Variants in PDE4D observed in about 807,000 individuals in gnomAD.
PDE4D encodes the protein phosphodiesterase 4D, also known as 3',5'-cyclic-AMP phosphodiesterase 4D.
Under a neutral mutation model 87.4 loss-of-function variants are expected in PDE4D, and 24 were observed. The ratio of observed to expected loss-of-function variants is 0.27; its 90% CI spans 0.20 to 0.39. The LOEUF (loss-of-function observed/expected upper bound fraction) is 0.39. PDE4D is among the 10% of genes least tolerant of loss of function. The pLI is 1.00. For synonymous variants in PDE4D, 384 were observed against 383.2 expected (o/e 1.00, Z -0.02); for missense variants, 714 against 1,041.0 (o/e 0.69, Z 4.32).
At chr5:60,176,761 G>A (rs1233047767) in intron 2 of PDE4D, among the ~76,000 whole-genome samples, 3 of 152,140 alleles carry the variant, frequency 2.0e-5, no homozygotes, top group Non-Finnish European at 4.4e-5. Context: ...ACTGGTTAAG[G>A]TCTGTGTCTG....
intron 1 of PDE4D, among the ~76,000 whole-genome samples, chr5:59,645,317 G>A (rs151262342): frequency 2.0e-5 from 3 of 152,266 alleles, no homozygotes; most frequent in Non-Finnish European, 4.4e-5. Flanking sequence ...GGCTCGAGGG[G>A]TGGGATGGCA....
chr5:59,728,004 T>G (rs1561549129), intron 1 of PDE4D, among the ~76,000 whole-genome samples: 1 of 152,152 alleles, frequency 6.6e-6, no homozygotes, highest in South Asian at 2.1e-4. Context: ...TTACTTTCTC[T>G]TCACACACGT....
intron 1 of PDE4D, among the ~76,000 whole-genome samples, chr5:59,344,720 C>A (rs1233669062): frequency 6.6e-6 from 1 of 152,070 alleles, no homozygotes; most frequent in Non-Finnish European, 1.5e-5. Context: ...TCAAATTTCA[C>A]GATGTGAAGT....
chr5:60,176,927 T>C (rs1783958869), intron 2 of PDE4D, among the ~76,000 whole-genome samples: 1 of 152,116 alleles, frequency 6.6e-6, no homozygotes, highest in Admixed American at 6.6e-5. Context: ...CTGGAAACCA[T>C]GTAGGATATA....
At chr5:60,363,572 C>T (rs1458058406) in intron 1 of PDE4D, among the ~76,000 whole-genome samples, 1 of 152,160 alleles carries the variant, frequency 6.6e-6, no homozygotes. Flanking sequence ...ACAAGGCTTA[C>T]ATTTTAATGA....
rs749126033 is a variant in PDE4D, at chr5:58,976,321, A to C, written c.1830+29T>G. On this transcript the variant is annotated intron_variant, in intron 13 of 14. Transcript: ENST00000340635. Reference sequence around the variant, plus strand: ...TGTGCACATGTGCACAGACACACACACACAGAGCAAACTCAAACAAGGCTT... The same window carrying C: ...TGTGCACATGTGCACAGACACACACCCACAGAGCAAACTCAAACAAGGCTT... 15 of 1,610,468 alleles carry C rather than the reference A, an allele frequency of 9.3e-6. No homozygotes were observed. In the East Asian group the frequency reaches 3.3e-4, roughly 36 times the overall value.
chr5:59,673,335 A>G (rs1375476998), intron 1 of PDE4D, among the ~76,000 whole-genome samples: 1 of 152,172 alleles, frequency 6.6e-6, no homozygotes, highest in Non-Finnish European at 1.5e-5. Context: ...CCAAGCAAGT[A>G]TAAGATGTTT....
intron 1 of PDE4D, among the ~76,000 whole-genome samples, chr5:59,350,428 C>G (rs913224469): frequency 6.6e-6 from 1 of 152,142 alleles, no homozygotes; most frequent in African/African-American, 2.4e-5. Context: ...GGTCTTCAAG[C>G]TCTTCAATGT....
chr5:59,492,909 A>G (rs1367393563), intron 1 of PDE4D, among the ~76,000 whole-genome samples: 1 of 152,144 alleles, frequency 6.6e-6, no homozygotes, highest in African/African-American at 2.4e-5. Context: ...CATCCATATA[A>G]GACGCGACTT....
At chr5:60,185,672 A>G (rs1350664723) in exon 2 of PDE4D, 6 of 878,762 alleles carry the variant, frequency 6.8e-6, no homozygotes, top group Non-Finnish European at 1.1e-5. Flanking sequence ...TATCCACTCA[A>G]AAGCCAACTG....
intron 1 of PDE4D, among the ~76,000 whole-genome samples, chr5:60,204,675 C>T (rs761478198): frequency 6.7e-6 from 1 of 149,306 alleles, no homozygotes; most frequent in Non-Finnish European, 1.5e-5. Context: ...TAGCTCAAAG[C>T]TTTTGCCCTT....
intron 5 of PDE4D, among the ~76,000 whole-genome samples, chr5:59,118,766 C>T (rs1415052226): frequency 2.6e-5 from 4 of 152,190 alleles, no homozygotes. Context: ...GCTTCCACAC[C>T]AATGGCAGAC....
intron 5 of PDE4D, among the ~76,000 whole-genome samples, chr5:59,112,168 GA>G (rs1772774893): frequency 6.6e-6 from 1 of 152,164 alleles, no homozygotes; most frequent in Admixed American, 6.5e-5. Flanking sequence ...GATACCGGGG[GA>G]AAGAGCACTT....
At chr5:60,478,972 G>T (rs1748529020) in intron 1 of PDE4D, among the ~76,000 whole-genome samples, 8 of 152,060 alleles carry the variant, frequency 5.3e-5, no homozygotes, top group Admixed American at 5.2e-4. Context: ...GTCTCATTTG[G>T]TCCTCCTTTT....
chr5:59,287,285 G>A (rs922510217), intron 1 of PDE4D, among the ~76,000 whole-genome samples: 4 of 152,226 alleles, frequency 2.6e-5, no homozygotes, highest in South Asian at 2.1e-4. Context: ...AGTACTTGTC[G>A]CAGGCCTGGG....
At chr5:59,745,514 C>G (rs1398063980) in intron 1 of PDE4D, among the ~76,000 whole-genome samples, 1 of 152,114 alleles carries the variant, frequency 6.6e-6, no homozygotes, top group Non-Finnish European at 1.5e-5. Context: ...CATGTTCTAG[C>G]CAATTCTGGA....
chr5:60,186,588 C>T (rs1784800654), intron 1 of PDE4D, among the ~76,000 whole-genome samples: 1 of 151,924 alleles, frequency 6.6e-6, no homozygotes, highest in Non-Finnish European at 1.5e-5. Context: ...AAGGCTTGGT[C>T]AAACCACAAA....
chr5:59,007,668 T>C (rs1034679629), intron 6 of PDE4D, among the ~76,000 whole-genome samples: 1 of 152,134 alleles, frequency 6.6e-6, no homozygotes, highest in African/African-American at 2.4e-5. Flanking sequence ...CTAGTGATAA[T>C]GGCTCTACAT....
chr5:59,205,884 T>C (rs1172663451), intron 2 of PDE4D, among the ~76,000 whole-genome samples: 2 of 152,204 alleles, frequency 1.3e-5, no homozygotes, highest in Non-Finnish European at 2.9e-5. Context: ...TGACATTTAT[T>C]GGGAGACAAC....
Sources: gnomAD v4.1 joint callset for allele counts (sites outside exome capture counted in the v4.1 genomes callset) on GRCh38, gnomAD v4.1.1 for gene constraint, MANE v1.5 for transcripts, NCBI Gene and HGNC (gene_info 2026-07-23, HGNC 2026-07-21) for gene names.